The following RBM38 variants were observed in gnomAD, a reference collection of about 807,000 sequenced individuals.
RBM38 encodes the protein RNA binding motif protein 38, also known as RNA-binding protein 38.
In RBM38, 11 loss-of-function variants were observed where a neutral mutation model predicts 23.5. That is an observed-to-expected ratio of 0.47 (90% CI 0.29 to 0.77). The LOEUF (loss-of-function observed/expected upper bound fraction) is 0.77, where lower values mean the gene tolerates loss of function less well. RBM38 is among the 30% of genes least tolerant of loss of function. The pLI is 0.08. For missense variants in RBM38, 330 were observed against 351.9 expected (o/e 0.94, Z 0.50); for synonymous variants, 165 against 166.1 (o/e 0.99, Z 0.05).
At chr20:57,397,300 A>G (rs2067283907) in intron 3 of RBM38, among the ~76,000 whole-genome samples, 1 of 152,198 alleles carries the variant, frequency 6.6e-6, no homozygotes, top group Non-Finnish European at 1.5e-5. Flanking sequence ...CAACTGAGAG[A>G]CTTGCTGAGT....
In RBM38 at chr20:57,407,824, T is replaced by G. The variant is rs774327187; in HGVS notation, c.698T>G (p.Leu233Arg). 14 of 1,577,328 alleles carry G rather than the reference T, an allele frequency of 8.9e-6. No homozygotes were observed. The Admixed American group carries it at 2.5e-4, about 29-fold the overall frequency. The change falls in exon 4 of 4, where the codon CTG becomes CGG. Residue 233 changes from leucine (L) to arginine (R), a missense_variant. This residue lies in a region of RBM38 where 227 missense variants were observed against 216.4 expected (regional missense o/e 1.05). Transcript: ENST00000356208. The surrounding 1 kb of genome is among the most constrained non-coding windows in gnomAD (Gnocchi z 4.0). ...TTFVQYQAPQ[L>R]QPDRMQ is the part of the protein sequence containing the mutation. ...TTCGTGCAGTACCAGGCGCCGCAGC[T>G]GCAGCCTGACAGGATGCAGTGAGGG...
intron 3 of RBM38, among the ~76,000 whole-genome samples, chr20:57,405,135 TG>T (rs2067368526): frequency 6.6e-6 from 1 of 152,202 alleles, no homozygotes; most frequent in Non-Finnish European, 1.5e-5. Context: ...GAAGCCACCC[TG>T]GCCTTTCCCC....
At chr20:57,402,915 T>TTTGCCC (rs1213538288) in intron 3 of RBM38, among the ~76,000 whole-genome samples, 3 of 152,232 alleles carry the variant, frequency 2.0e-5, no homozygotes, top group Admixed American at 1.3e-4. Flanking sequence ...ATCCCTTGTC[T>TTTGCCC]TTGCCCTTCC....
chr20:57,400,523 G>A lies in RBM38; in HGVS notation c.417-7020G>A, dbSNP rs536916573. On this transcript the variant is annotated intron_variant, in intron 3 of 3. Coordinates refer to ENST00000356208, the MANE Select transcript of RBM38 (RefSeq NM_017495.6). The stretch of plus-strand genomic sequence containing the variant: ...GGGGGTTTGGTGTTGCCCAGGCTCC[G>A]GCACTAGAGGGAAGCAGAGAACCCC... 2.5e-4 allele frequency among the ~76,000 whole-genome samples: 38 copies of A among 152,268 alleles called. 1 individual carries two copies. In the South Asian group the frequency reaches 7.2e-3, roughly 29 times the overall value.
chr20:57,406,596 G>C (rs1315712131), intron 3 of RBM38, among the ~76,000 whole-genome samples: 1 of 152,210 alleles, frequency 6.6e-6, no homozygotes, highest in Non-Finnish European at 1.5e-5. Context: ...CATCATCTCT[G>C]TGGTCACCGC....
chr20:57,391,589 T>G lies in RBM38; in HGVS notation c.8T>G (p.Leu3Arg). 5.4e-6 allele frequency: 7 copies of G among 1,297,874 alleles called. No homozygotes were observed. Among genetic ancestry groups the G allele is most frequent in the Non-Finnish European group, 5.9e-6 (6 of 1,010,998 alleles). 80.4% of individuals were successfully genotyped at this position (1,297,874 alleles called of 1,614,324 possible). A position where few individuals can be genotyped will look rare whatever the true frequency, so the allele number is the denominator to read the frequency against. ...GGCGGCGGGGCGCCCCCCATGCTGC[T>G]GCAGCCCGCGCCGTGCGCCCCGAGC... MLLQPAPCAPSAG... is the reference protein window; with the variant it reads MLRQPAPCAPSAG... The change falls in exon 1 of 4, where the codon CTG becomes CGG. Residue 3 changes from leucine to arginine, a missense_variant. Physicochemically the swap from Leu to Arg is moderately radical, Grantham distance 102 (BLOSUM62 -2). Transcript: ENST00000356208.
chr20:57,400,855 G>A (rs186009165), intron 3 of RBM38, among the ~76,000 whole-genome samples: 7 of 152,256 alleles, frequency 4.6e-5, no homozygotes, highest in Admixed American at 2.0e-4. Context: ...TGGAAGGGAA[G>A]GAGGCTCCTG....
intron 3 of RBM38, among the ~76,000 whole-genome samples, chr20:57,399,609 A>G (rs1038398199): frequency 6.6e-6 from 1 of 152,196 alleles, no homozygotes; most frequent in Non-Finnish European, 1.5e-5. Flanking sequence ...GGGCCGGTTC[A>G]GGTGGAGATG....
intron 3 of RBM38, among the ~76,000 whole-genome samples, chr20:57,400,247 T>C (rs1384510310): frequency 6.6e-6 from 1 of 152,174 alleles, no homozygotes; most frequent in Non-Finnish European, 1.5e-5. Context: ...TGAGTCTCTG[T>C]GGACAGAGTC....
At chr20:57,404,799 T>G (rs908750193) in intron 3 of RBM38, among the ~76,000 whole-genome samples, 4 of 152,230 alleles carry the variant, frequency 2.6e-5, no homozygotes, top group African/African-American at 7.2e-5. Flanking sequence ...CATGTGGGGT[T>G]GGGCCTCGCC....
At chr20:57,405,332 A>C (rs2067371401) in intron 3 of RBM38, among the ~76,000 whole-genome samples, 1 of 152,198 alleles carries the variant, frequency 6.6e-6, no homozygotes, top group Non-Finnish European at 1.5e-5. Context: ...TCACAGCTCG[A>C]GAGTCAGAAT....
chr20:57,391,903 C>T lies in RBM38; in HGVS notation c.237+85C>T, dbSNP rs947557741. The T allele has an allele frequency of 4.0e-6, 4 of 993,276 alleles. No homozygotes were observed. In the Admixed American group the frequency reaches 1.4e-4, roughly 34 times the overall value. 61.5% of individuals were successfully genotyped at this position (993,276 alleles called of 1,614,324 possible). ...CCGAGTCCACTCCGGGGCACACGCC[C>T]AGACGGCCCGCTGCCGCCCCCGCCC... On this transcript the variant is annotated intron_variant, in intron 1 of 3. Coordinates refer to ENST00000356208, the MANE Select transcript of RBM38 (RefSeq NM_017495.6).
intron 3 of RBM38, among the ~76,000 whole-genome samples, chr20:57,393,827 ATG>A (rs1568805916): frequency 6.6e-6 from 1 of 152,050 alleles, no homozygotes; most frequent in Non-Finnish European, 1.5e-5. Context: ...TGTAGATACG[ATG>A]TGTTTGGGGT....
rs538718915 is a variant in RBM38, at chr20:57,409,007, T to C, written c.*1161T>C. The C allele has an allele frequency of 2.6e-5, 4 of 152,752 alleles. No individual in the cohort carries two copies. Among genetic ancestry groups the C allele is most frequent in the African/African-American group, 9.6e-5 (4 of 41,540 alleles). 9.5% of individuals were successfully genotyped at this position (152,752 alleles called of 1,614,324 possible). A position where few individuals can be genotyped will look rare whatever the true frequency, so the allele number is the denominator to read the frequency against. On this transcript the variant is annotated 3_prime_UTR_variant, in exon 4 of 4. Transcript: ENST00000356208. ...CCCTCTACCCCCGCACCACCTGCTGTGTGCCAGCCTGAGACGGTTCCTGCC... is the reference window on the plus strand; with the variant it reads ...CCCTCTACCCCCGCACCACCTGCTGCGTGCCAGCCTGAGACGGTTCCTGCC...
chr20:57,397,043 G>A (rs894834540), intron 3 of RBM38, among the ~76,000 whole-genome samples: 6 of 152,172 alleles, frequency 3.9e-5, no homozygotes, highest in Non-Finnish European at 7.3e-5. Context: ...GGAGTGTCAG[G>A]TACAGGCTGT....
At chr20:57,405,320 C>T (rs187231324) in intron 3 of RBM38, among the ~76,000 whole-genome samples, 83 of 152,322 alleles carry the variant, frequency 5.4e-4, no homozygotes, top group South Asian at 4.1e-3. Context: ...GTGAGAAAGG[C>T]GTCACAGCTC....
chr20:57,396,660 G>T (rs969279324), intron 3 of RBM38, among the ~76,000 whole-genome samples: 1 of 152,206 alleles, frequency 6.6e-6, no homozygotes, highest in African/African-American at 2.4e-5. Flanking sequence ...TTTGAAGGGG[G>T]TGGAATATCC....
chr20:57,403,758 A>T (rs1468319742), intron 3 of RBM38, among the ~76,000 whole-genome samples: 2 of 152,146 alleles, frequency 1.3e-5, no homozygotes, highest in African/African-American at 4.8e-5. Context: ...AGTAACTGGG[A>T]TTACAGGCTC....
Position 57,407,093 on chromosome 20 carries a change from A to G in RBM38, c.417-450A>G, listed in dbSNP as rs6025541. 0.097 allele frequency among the ~76,000 whole-genome samples: 14,670 copies of G among 151,480 alleles called. 2,256 individuals carry two copies. The highest frequency in any genetic ancestry group is 0.33 in the African/African-American group (13,478 of 41,232). ...GTGCAGTGTCACTTGGTGGGTGTTG[A>G]GTGTCAGGGAGATGAGCAGGGAAGG... On this transcript the variant is annotated intron_variant, in intron 3 of 3. Transcript: ENST00000356208. The surrounding 1 kb of genome is among the most constrained non-coding windows in gnomAD (Gnocchi z 4.0).
Sources: allele counts gnomAD v4.1 joint callset (sites outside exome capture counted in the v4.1 genomes callset), GRCh38; gene constraint gnomAD v4.1.1; regional missense constraint gnomAD v4.1.1; non-coding constraint Gnocchi (gnomAD v3.1); transcripts MANE v1.5; gene names NCBI Gene and HGNC (gene_info 2026-07-23, HGNC 2026-07-21).